The following CELF2 variants were observed in gnomAD, a reference collection of about 807,000 sequenced individuals.
CELF2 encodes CUG triplet repeat RNA-binding protein 2.
CELF2 carries 8 observed loss-of-function variants against 62.6 expected under a neutral mutation model. The ratio of observed to expected loss-of-function variants is 0.13; its 90% CI spans 0.07 to 0.23. CELF2 has a LOEUF of 0.23. Among genes scored for constraint, CELF2 ranks in the 10% least tolerant of loss-of-function variants. The pLI is 1.00. For missense variants in CELF2, 333 were observed against 671.0 expected (o/e 0.50, Z 5.56); for synonymous variants, 258 against 250.0 (o/e 1.03, Z -0.30).
the CELF2 span, among the ~76,000 whole-genome samples, chr10:10,569,660 C>T: frequency 6.6e-6 from 1 of 152,124 alleles, no homozygotes; most frequent in Non-Finnish European, 1.5e-5. Flanking sequence ...GAGAGGAATT[C>T]AATGCAAAGA....
chr10:10,674,863 A>G, the CELF2 span, among the ~76,000 whole-genome samples: 2 of 152,086 alleles, frequency 1.3e-5, no homozygotes, highest in African/African-American at 4.8e-5. Flanking sequence ...TATAATAACA[A>G]AACAATTCTA....
intron 2 of CELF2, among the ~76,000 whole-genome samples, chr10:10,992,365 A>C (rs1234610705): frequency 1.3e-5 from 2 of 152,196 alleles, no homozygotes; most frequent in African/African-American, 4.8e-5. Flanking sequence ...CTCATGTCAG[A>C]GAAAAACCCA....
At chr10:10,515,487 A>C in the CELF2 span, among the ~76,000 whole-genome samples, 407 of 152,322 alleles carry the variant, frequency 2.7e-3, 4 homozygotes, top group African/African-American at 8.8e-3. Context: ...AAGGAAAAAC[A>C]AACAAGATTC....
rs2046457800 is a variant in CELF2, at chr10:10,936,905, C to T, written c.89+16906C>T. Among the ~76,000 whole-genome samples, 1 of 152,106 alleles carries T rather than the reference C, an allele frequency of 6.6e-6. No individual in the cohort carries two copies. The highest frequency in any genetic ancestry group is 2.1e-4 in the South Asian group (1 of 4,826). ...TTTCTGACAAGCTCCCACGGGGTTTCTGATGATTCTGGTCCTCAGACCATC... is the reference window on the plus strand; with the variant it reads ...TTTCTGACAAGCTCCCACGGGGTTTTTGATGATTCTGGTCCTCAGACCATC... On this transcript the variant is annotated intron_variant, in intron 2 of 13. Transcript: ENST00000636488. This position sits in a 1 kb window ranked among gnomAD's most constrained non-coding sequence, Gnocchi z 4.0.
At chr10:10,771,417 A>T in the CELF2 span, among the ~76,000 whole-genome samples, 1 of 152,164 alleles carries the variant, frequency 6.6e-6, no homozygotes, top group Non-Finnish European at 1.5e-5. Context: ...GCATGGCATA[A>T]GTGCCTGGTT....
At chr10:10,895,656 T>C (rs1391082992) in intron 1 of CELF2, among the ~76,000 whole-genome samples, 2 of 152,220 alleles carry the variant, frequency 1.3e-5, no homozygotes, top group East Asian at 3.9e-4. Context: ...CTGCAGGATA[T>C]CTGCTTCTGA....
chr10:10,655,163 G>A, the CELF2 span, among the ~76,000 whole-genome samples: 2 of 148,204 alleles, frequency 1.3e-5, no homozygotes, highest in Non-Finnish European at 3.0e-5. Context: ...AACTTACAAG[G>A]GATGTGAAGG....
intron 2 of CELF2, among the ~76,000 whole-genome samples, chr10:11,192,485 T>C (rs2076495024): frequency 6.6e-6 from 1 of 152,240 alleles, no homozygotes; most frequent in Non-Finnish European, 1.5e-5. Flanking sequence ...CAGCGTCAGC[T>C]GCTAACATGG....
At chr10:10,665,129 G>C in the CELF2 span, among the ~76,000 whole-genome samples, 1 of 152,120 alleles carries the variant, frequency 6.6e-6, no homozygotes, top group Non-Finnish European at 1.5e-5. Flanking sequence ...ACTAAGTACA[G>C]TGAAAACCAG....
chr10:10,849,565 A>G lies in CELF2; in HGVS notation c.53+50748A>G, dbSNP rs565251068. ...CATTTGAGACTGAGTTACAGATCTG[A>G]TGCCCCTTTATTTATGCCTAAGTTC... is the stretch of plus-strand genomic sequence containing the variant. On this transcript the variant is annotated intron_variant, in intron 1 of 13. Coordinates refer to the CELF2 transcript ENST00000636488. Among the ~76,000 whole-genome samples, 6 of 152,250 alleles carry G rather than the reference A, an allele frequency of 3.9e-5. No homozygotes were observed. The East Asian group carries it at 7.7e-4, about 20-fold the overall frequency.
At chr10:10,965,087 C>T (rs1052998976) in intron 2 of CELF2, among the ~76,000 whole-genome samples, 6 of 152,154 alleles carry the variant, frequency 3.9e-5, no homozygotes, top group African/African-American at 7.2e-5. Context: ...AAGAGGCTTT[C>T]CCTCTCGTTT....
chr10:10,577,481 G>T, the CELF2 span, among the ~76,000 whole-genome samples: 2 of 151,298 alleles, frequency 1.3e-5, no homozygotes, highest in Non-Finnish European at 2.9e-5. Context: ...TTAGCATTAG[G>T]TATATCTCCT....
intron 2 of CELF2, among the ~76,000 whole-genome samples, chr10:11,166,747 G>T (rs2067333792): frequency 6.6e-6 from 1 of 152,176 alleles, no homozygotes. Flanking sequence ...CTTCGGTTGG[G>T]CACACGAACA....
intron 1 of CELF2, among the ~76,000 whole-genome samples, chr10:11,067,720 T>A (rs557263020): frequency 3.1e-4 from 47 of 152,218 alleles, no homozygotes; most frequent in Non-Finnish European, 6.2e-4. Flanking sequence ...TTCCCTTGTG[T>A]GTTTCCAGTG....
At chr10:11,093,138 C>T (rs1373796343) in intron 1 of CELF2, among the ~76,000 whole-genome samples, 2 of 152,148 alleles carry the variant, frequency 1.3e-5, no homozygotes, top group Admixed American at 6.5e-5. Context: ...TCTCCTCTAG[C>T]TTTTTTGCAT....
At chr10:10,799,310 CCT>C (rs35110313) in intron 1 of CELF2, among the ~76,000 whole-genome samples, 18,645 of 151,928 alleles carry the variant, frequency 0.12, 1,463 homozygotes, top group Non-Finnish European at 0.18. Flanking sequence ...CAAAACCACC[CCT>C]GTCTCTACTA....
In CELF2 at chr10:11,224,536, C is replaced by T. The variant is rs11597417; in HGVS notation, c.354+7029C>T. 0.061 allele frequency among the ~76,000 whole-genome samples: 9,277 copies of T among 152,016 alleles called. 340 individuals carry two copies. The highest frequency in any genetic ancestry group is 0.15 in the Middle Eastern group (44 of 294). ...GAAGATTGTGGGGGAGGCGGGGGAT[C>T]CATGAATTTGATTAAAGGTCTGCAT... On this transcript the variant is annotated intron_variant, in intron 3 of 12. Transcript: ENST00000633077. The surrounding 1 kb of genome is among the most constrained non-coding windows in gnomAD (Gnocchi z 4.5).
At chr10:10,885,158 G>A (rs1185229534) in intron 1 of CELF2, among the ~76,000 whole-genome samples, 1 of 151,880 alleles carries the variant, frequency 6.6e-6, no homozygotes, top group Admixed American at 6.6e-5. Flanking sequence ...CAGGAGAATC[G>A]CTTGAACACG....
chr10:11,321,269 A>G lies in CELF2; in HGVS notation c.1177A>G (p.Met393Val), dbSNP rs1565980341. The part of the protein sequence containing the change: ...TGLTNGTAGT[M>V]DALTQAYSGI... ...CTTGACGAATGGCACGGCTGGCACC[A>G]TGGACGCCCTCACCCAGGCCTACTC... The change falls in exon 11 of 13, where the codon ATG (methionine) becomes GTG (valine). Residue 393 changes from methionine (M) to valine (V), a missense_variant. Physicochemically the swap from Met to Val is conservative, Grantham distance 21 (BLOSUM62 1). Coordinates refer to ENST00000633077, the MANE Select transcript of CELF2 (RefSeq NM_001326342.2). The surrounding 1 kb of genome is among the most constrained non-coding windows in gnomAD (Gnocchi z 6.2). 6.2e-7 allele frequency: 1 copy of G among 1,614,062 alleles called. No homozygotes were observed. The highest frequency in any genetic ancestry group is 1.7e-5 in the Admixed American group (1 of 60,026).
Sources: gnomAD v4.1 joint callset for allele counts (sites outside exome capture counted in the v4.1 genomes callset) on GRCh38, gnomAD v4.1.1 for gene constraint, Gnocchi (gnomAD v3.1) non-coding constraint, MANE v1.5 for transcripts, NCBI Gene and HGNC (gene_info 2026-07-23, HGNC 2026-07-21) for gene names.